ACTR3C: variants seen among roughly 807,000 people sequenced by gnomAD.
The protein encoded by ACTR3C is actin-related protein 3C.
A neutral mutation model predicts 26.3 loss-of-function variants in ACTR3C; 18 were observed. The ratio of observed to expected loss-of-function variants is 0.68; its 90% CI spans 0.47 to 1.01. The LOEUF (loss-of-function observed/expected upper bound fraction) is 1.01. ACTR3C is among the 50% of genes least tolerant of loss of function. The pLI is 0.00. For missense variants in ACTR3C, 184 were observed against 250.7 expected, an observed-to-expected ratio of 0.73 and a Z score of 1.80; for synonymous variants, 55 against 94.5, an observed-to-expected ratio of 0.58 and a Z score of 2.42.
chr7:150,263,955 T>G (rs945458584), intron 6 of ACTR3C, among the ~76,000 whole-genome samples: 14 of 152,382 alleles, frequency 9.2e-5, no homozygotes, highest in Non-Finnish European at 1.9e-4. Context: ...AGGTGGAAGC[T>G]ATGACTATGC....
At chr7:150,069,856 G>A in the ACTR3C span, among the ~76,000 whole-genome samples, 2 of 152,294 alleles carry the variant, frequency 1.3e-5, no homozygotes, top group South Asian at 2.1e-4. Flanking sequence ...GTTGGCAGCA[G>A]ATCAGGCTGT....
intron 6 of ACTR3C, among the ~76,000 whole-genome samples, chr7:150,277,439 C>A (rs1834969705): frequency 6.6e-6 from 1 of 152,234 alleles, no homozygotes; most frequent in Non-Finnish European, 1.5e-5. Context: ...CAGGCTAAGG[C>A]CGTCTTGTCC....
chr7:150,031,368 C>T, the ACTR3C span, among the ~76,000 whole-genome samples: 2 of 152,054 alleles, frequency 1.3e-5, no homozygotes, highest in South Asian at 4.1e-4. Flanking sequence ...GTGAGGGTCT[C>T]CAACAGGAAA....
At chr7:150,136,669 C>CATAA in the ACTR3C span, among the ~76,000 whole-genome samples, 12,253 of 148,296 alleles carry the variant, frequency 0.083, 638 homozygotes, top group African/African-American at 0.13. Context: ...GACTCCATCT[C>CATAA]ATAAATAAAT....
chr7:150,124,424 G>A, the ACTR3C span, among the ~76,000 whole-genome samples: 2 of 152,182 alleles, frequency 1.3e-5, no homozygotes, highest in African/African-American at 4.8e-5. Context: ...TGATGGAGTG[G>A]TATGCAGTTG....
At chr7:150,308,645 C>G (rs1403780333) in intron 1 of ACTR3C, among the ~76,000 whole-genome samples, 1 of 151,996 alleles carries the variant, frequency 6.6e-6, no homozygotes, top group East Asian at 1.9e-4. Flanking sequence ...GACCTCTCTC[C>G]CCCTCCCCAG....
chr7:149,898,169 G>C, the ACTR3C span, among the ~76,000 whole-genome samples: 1 of 146,244 alleles, frequency 6.8e-6, no homozygotes, highest in Non-Finnish European at 1.5e-5. Context: ...GCTGAACATG[G>C]GCTAGAAAAG....
the ACTR3C span, among the ~76,000 whole-genome samples, chr7:150,107,356 G>C: frequency 6.6e-6 from 1 of 151,752 alleles, no homozygotes; most frequent in Non-Finnish European, 1.5e-5. Context: ...AAGACACAGG[G>C]GGACAGCCTA....
At chr7:150,063,833 A>T in the ACTR3C span, among the ~76,000 whole-genome samples, 2 of 152,152 alleles carry the variant, frequency 1.3e-5, no homozygotes, top group Non-Finnish European at 2.9e-5. Context: ...TGGAACATGG[A>T]TTATGGATGA....
chr7:149,998,611 CT>C, the ACTR3C span, among the ~76,000 whole-genome samples: 1 of 148,690 alleles, frequency 6.7e-6, no homozygotes, highest in Admixed American at 6.8e-5. Context: ...TGAGAACTCA[CT>C]ATCATGAGAA....
chr7:150,197,121 C>T, the ACTR3C span, among the ~76,000 whole-genome samples: 2 of 152,174 alleles, frequency 1.3e-5, no homozygotes, highest in African/African-American at 4.8e-5. Flanking sequence ...AGGCTGAGTC[C>T]AGCATCTCCT....
the ACTR3C span, chr7:150,076,482 C>T: frequency 1.8e-4 from 27 of 152,112 alleles, no homozygotes; most frequent in African/African-American, 6.3e-4. Context: ...CAGCTTTAGT[C>T]GTTTAATTCA....
chr7:150,291,272 A>T (rs1400702152), intron 3 of ACTR3C, among the ~76,000 whole-genome samples: 5 of 152,154 alleles, frequency 3.3e-5, no homozygotes, highest in African/African-American at 7.2e-5. Flanking sequence ...CTCTACTAAA[A>T]ATACAAATTA....
chr7:150,260,254 T>A (rs1436510215), intron 6 of ACTR3C, among the ~76,000 whole-genome samples: 1 of 152,224 alleles, frequency 6.6e-6, no homozygotes. Flanking sequence ...ATATGCTTAA[T>A]AATATTCTTT....
At chr7:149,968,546 TAGAC>T in the ACTR3C span, among the ~76,000 whole-genome samples, 2 of 152,026 alleles carry the variant, frequency 1.3e-5, no homozygotes, top group African/African-American at 2.4e-5. Context: ...AAAAGAAAAA[TAGAC>T]AGTCTCACTA....
the ACTR3C span, among the ~76,000 whole-genome samples, chr7:150,223,805 G>T: frequency 0.044 from 6,742 of 152,268 alleles, 342 homozygotes; most frequent in East Asian, 0.14. Flanking sequence ...TCCAGGCATG[G>T]CTTAGCTCTG....
chr7:150,272,770 A>G (rs1834552791), intron 6 of ACTR3C, among the ~76,000 whole-genome samples: 1 of 128,912 alleles, frequency 7.8e-6, no homozygotes, highest in Non-Finnish European at 1.5e-5. Context: ...AACTCCCTGT[A>G]GCCTCCACCT....
chr7:150,097,776 C>T, the ACTR3C span, among the ~76,000 whole-genome samples: 1 of 151,434 alleles, frequency 6.6e-6, no homozygotes, highest in Non-Finnish European at 1.5e-5. Context: ...AGCTGGGCCA[C>T]AGGCAGAGGC....
chr7:150,200,941 A>C, the ACTR3C span, among the ~76,000 whole-genome samples: 5 of 152,370 alleles, frequency 3.3e-5, no homozygotes, highest in Non-Finnish European at 7.3e-5. Flanking sequence ...TGTACTTAAC[A>C]ATAGAAAATT....
Sources: allele counts gnomAD v4.1 joint callset (sites outside exome capture counted in the v4.1 genomes callset), GRCh38; gene constraint gnomAD v4.1.1; transcripts MANE v1.5; gene names NCBI Gene and HGNC (gene_info 2026-07-23, HGNC 2026-07-21).